GPC5: variants seen among roughly 807,000 people sequenced by gnomAD.
GPC5 encodes the protein glypican 5, also known as glypican-5.
In GPC5, 47 loss-of-function variants were observed where a neutral mutation model predicts 53.9. That is an observed-to-expected ratio of 0.87 (90% CI 0.69 to 1.11). The LOEUF is 1.11. Ranked by LOEUF, GPC5 falls within the 50% of genes most tolerant of loss-of-function variation. GPC5 has a pLI of 0.00. For synonymous variants in GPC5, 286 were observed against 263.3 expected (o/e 1.09, Z -0.84); for missense variants, 748 against 713.1 (o/e 1.05, Z -0.56).
At chr13:91,823,296 A>G (rs2038524618) in intron 5 of GPC5, among the ~76,000 whole-genome samples, 1 of 152,156 alleles carries the variant, frequency 6.6e-6, no homozygotes, top group Non-Finnish European at 1.5e-5. Context: ...TTTATAATAT[A>G]GAGATTCCAT....
chr13:91,839,396 G>T (rs930307052), intron 5 of GPC5, among the ~76,000 whole-genome samples: 1 of 151,982 alleles, frequency 6.6e-6, no homozygotes, highest in African/African-American at 2.4e-5. Context: ...CTCCATATCA[G>T]CACTGAACAA....
chr13:92,348,349 A>G (rs1033525115), intron 7 of GPC5, among the ~76,000 whole-genome samples: 2 of 152,030 alleles, frequency 1.3e-5, no homozygotes, highest in African/African-American at 4.8e-5. Context: ...ACATCATATG[A>G]TAATAAAGGG....
chr13:92,765,924 C>G (rs1401075359), intron 7 of GPC5, among the ~76,000 whole-genome samples: 2 of 151,808 alleles, frequency 1.3e-5, no homozygotes, highest in Non-Finnish European at 2.9e-5. Flanking sequence ...AAGACTTGTT[C>G]TGGCAATATA....
At chr13:92,480,253 T>C (rs1184779739) in intron 7 of GPC5, among the ~76,000 whole-genome samples, 1 of 152,212 alleles carries the variant, frequency 6.6e-6, no homozygotes, top group Non-Finnish European at 1.5e-5. Context: ...TGGAGTTCAG[T>C]GCAGAGAGGT....
At chr13:92,746,009 AAC>A (rs1345751673) in intron 7 of GPC5, among the ~76,000 whole-genome samples, 4 of 152,126 alleles carry the variant, frequency 2.6e-5, no homozygotes, top group African/African-American at 7.2e-5. Context: ...GCCTTCAGAA[AAC>A]ACATTTAATC....
chr13:92,415,889 T>G (rs577095592), intron 7 of GPC5, among the ~76,000 whole-genome samples: 2 of 152,172 alleles, frequency 1.3e-5, no homozygotes, highest in South Asian at 2.1e-4. Context: ...ACATGAGGGT[T>G]TTTGGAGAAT....
chr13:92,331,205 C>T (rs1011647225), intron 7 of GPC5, among the ~76,000 whole-genome samples: 6 of 151,924 alleles, frequency 3.9e-5, no homozygotes, highest in Non-Finnish European at 5.9e-5. Flanking sequence ...TTTTTTTCCC[C>T]TCAATCATTT....
At chr13:92,635,014 C>A (rs932106849) in intron 7 of GPC5, among the ~76,000 whole-genome samples, 2 of 151,418 alleles carry the variant, frequency 1.3e-5, no homozygotes, top group Non-Finnish European at 2.9e-5. Flanking sequence ...ATATTTTACT[C>A]TTAAATATTT....
chr13:91,450,992 A>G (rs1416885878), intron 2 of GPC5, among the ~76,000 whole-genome samples: 1 of 152,194 alleles, frequency 6.6e-6, no homozygotes, highest in African/African-American at 2.4e-5. Flanking sequence ...AGTACAAGAG[A>G]TCACTTTGCT....
At chr13:91,448,169 A>G (rs1880930367) in intron 1 of GPC5, among the ~76,000 whole-genome samples, 1 of 152,202 alleles carries the variant, frequency 6.6e-6, no homozygotes, top group Admixed American at 6.5e-5. Flanking sequence ...AAAGGAGGGG[A>G]TTGTCTCTCG....
intron 2 of GPC5, among the ~76,000 whole-genome samples, chr13:91,542,020 A>ATTAATTAATATTAG (rs2029969725): frequency 9.4e-5 from 1 of 10,662 alleles, no homozygotes; most frequent in Admixed American, 2.0e-3. Context: ...AGCTCTTAAT[A>ATTAATTAATATTAG]TTAATTAATA....
At chr13:92,101,783 G>A (rs904215789) in intron 6 of GPC5, among the ~76,000 whole-genome samples, 1 of 152,138 alleles carries the variant, frequency 6.6e-6, no homozygotes, top group Non-Finnish European at 1.5e-5. Flanking sequence ...TTTTAAGATT[G>A]AATAACATTT....
intron 7 of GPC5, among the ~76,000 whole-genome samples, chr13:92,619,173 G>T (rs1884792708): frequency 6.6e-6 from 1 of 151,868 alleles, no homozygotes; most frequent in Non-Finnish European, 1.5e-5. Context: ...TATCATTTAT[G>T]CATGGAGATA....
intron 6 of GPC5, among the ~76,000 whole-genome samples, chr13:92,085,416 G>A (rs1436060812): frequency 6.6e-6 from 1 of 152,176 alleles, no homozygotes; most frequent in Non-Finnish European, 1.5e-5. Flanking sequence ...TGAACTGTTT[G>A]AAACATTTAG....
At chr13:92,159,590 G>GTTTTTTT (rs2041971034) in intron 7 of GPC5, among the ~76,000 whole-genome samples, 4 of 61,588 alleles carry the variant, frequency 6.5e-5, no homozygotes, top group Non-Finnish European at 1.0e-4. Flanking sequence ...TAATACCAAT[G>GTTTTTTT]TTCTTTTTTT....
chr13:92,675,074 C>T (rs1886890237), intron 7 of GPC5, among the ~76,000 whole-genome samples: 1 of 151,934 alleles, frequency 6.6e-6, no homozygotes, highest in Non-Finnish European at 1.5e-5. Flanking sequence ...ATGTCAAATA[C>T]TTCTTTACTT....
intron 5 of GPC5, among the ~76,000 whole-genome samples, chr13:91,881,037 C>T (rs1167161447): frequency 3.3e-5 from 5 of 152,062 alleles, no homozygotes; most frequent in African/African-American, 7.2e-5. Flanking sequence ...GTGATCTGCC[C>T]GCTTCGGCCT....
At chr13:92,738,027 G>GT (rs1461092541) in intron 7 of GPC5, among the ~76,000 whole-genome samples, 1 of 151,852 alleles carries the variant, frequency 6.6e-6, no homozygotes, top group African/African-American at 2.4e-5. Context: ...GCCTCCCAAA[G>GT]TGCTGGGATT....
intron 2 of GPC5, among the ~76,000 whole-genome samples, chr13:91,495,254 G>A (rs141678327): frequency 4.6e-5 from 7 of 152,228 alleles, no homozygotes; most frequent in Non-Finnish European, 1.0e-4. Context: ...AGTCATCCAA[G>A]CCACTGTTAT....
Sources: allele counts gnomAD v4.1 joint callset (sites outside exome capture counted in the v4.1 genomes callset), GRCh38; gene constraint gnomAD v4.1.1; transcripts MANE v1.5; gene names NCBI Gene and HGNC (gene_info 2026-07-23, HGNC 2026-07-21).